Variants in TM9SF4 observed in about 807,000 individuals in gnomAD.
The protein encoded by TM9SF4 is dinucleotide oxidase disulfide thiol exchanger 3 superfamily member 4.
TM9SF4 carries 26 observed loss-of-function variants against 90.4 expected under a neutral mutation model. That is an observed-to-expected ratio of 0.29 (90% confidence interval 0.21 to 0.40). The LOEUF (loss-of-function observed/expected upper bound fraction) is 0.40. Ranked by LOEUF, TM9SF4 falls within the 10% of genes least tolerant of loss-of-function variation. The pLI, the probability that TM9SF4 is intolerant of heterozygous loss-of-function variation, is 1.00. For missense variants in TM9SF4, 549 were observed against 834.8 expected (o/e 0.66, Z 4.22); for synonymous variants, 293 against 315.4 (o/e 0.93, Z 0.75).
chr20:32,160,679 G>A (rs1255417367), intron 16 of TM9SF4, among the ~76,000 whole-genome samples: 5 of 152,128 alleles, frequency 3.3e-5, no homozygotes, highest in African/African-American at 4.8e-5. Flanking sequence ...AGCCAGGCAC[G>A]GTAGCTCACG....
At chr20:32,160,478 G>A (rs1438210724) in intron 16 of TM9SF4, among the ~76,000 whole-genome samples, 1 of 152,146 alleles carries the variant, frequency 6.6e-6, no homozygotes, top group Non-Finnish European at 1.5e-5. Flanking sequence ...GCCAGGGTTT[G>A]GGATGAACAG....
chr20:32,143,846 G>A (rs2046718404), intron 6 of TM9SF4, among the ~76,000 whole-genome samples: 1 of 152,092 alleles, frequency 6.6e-6, no homozygotes, highest in East Asian at 1.9e-4. Flanking sequence ...AGCTTCCCGA[G>A]CGCAGTTCTA....
At chr20:32,126,741 T>C (rs1266039298) in intron 1 of TM9SF4, among the ~76,000 whole-genome samples, 1 of 94,856 alleles carries the variant, frequency 1.1e-5, no homozygotes, top group Non-Finnish European at 1.9e-5. Flanking sequence ...TTTCTTTTTT[T>C]TTTTTTTTCC....
intron 3 of TM9SF4, among the ~76,000 whole-genome samples, chr20:32,138,072 C>T (rs893629870): frequency 6.6e-6 from 1 of 152,192 alleles, no homozygotes; most frequent in African/African-American, 2.4e-5. Flanking sequence ...TAGTCAGGGT[C>T]ACATGGCCAA....
intron 13 of TM9SF4, among the ~76,000 whole-genome samples, chr20:32,155,540 C>T (rs138277677): frequency 5.5e-4 from 84 of 152,362 alleles, no homozygotes; most frequent in Middle Eastern, 3.4e-3. Flanking sequence ...GCAAGCCTGT[C>T]CTCCTCAGTG....
chr20:32,147,246 G>A (rs2046776755), intron 9 of TM9SF4, among the ~76,000 whole-genome samples: 1 of 152,000 alleles, frequency 6.6e-6, no homozygotes. Flanking sequence ...CGAAAGTACT[G>A]GGATTACAGG....
intron 13 of TM9SF4, among the ~76,000 whole-genome samples, chr20:32,157,441 T>C (rs2046943810): frequency 6.6e-6 from 1 of 152,196 alleles, no homozygotes; most frequent in South Asian, 2.1e-4. Context: ...CTTTGTACAG[T>C]GTTGTTTTTT....
At position 32,109,746 on chromosome 20, in the gene TM9SF4, G is replaced by C; in HGVS notation, c.6G>C (p.Ala2=). M[A]TAMDWLPWSL... Reference sequence around the variant, plus strand: ...CGGCGACACGTGGATCCAAGATGGCGACGGCGATGGTGAGTGAAGGAGACT... The same window carrying C: ...CGGCGACACGTGGATCCAAGATGGCCACGGCGATGGTGAGTGAAGGAGACT... Residue 2 remains alanine (A), a synonymous_variant, in exon 1 of 18, where the codon GCG becomes GCC. Coordinates refer to ENST00000398022, the MANE Select transcript of TM9SF4 (RefSeq NM_014742.4). 6.4e-7 allele frequency: 1 copy of C among 1,551,676 alleles called. No individual in the cohort carries two copies. The highest frequency in any genetic ancestry group is 8.7e-7 in the Non-Finnish European group (1 of 1,146,996).
At chr20:32,146,397 G>A (rs966327670) in intron 8 of TM9SF4, among the ~76,000 whole-genome samples, 7 of 152,120 alleles carry the variant, frequency 4.6e-5, no homozygotes, top group Non-Finnish European at 7.4e-5. Context: ...CTTGAAGAAA[G>A]GCGTGCTGAT....
At position 32,167,154 on chromosome 20, in the gene TM9SF4, A is replaced by G. The variant is rs929962690; in HGVS notation, c.*1710A>G. 1 of 151,854 alleles carries G rather than the reference A, an allele frequency of 6.6e-6. No homozygotes were observed. The highest frequency in any genetic ancestry group is 2.4e-5 in the African/African-American group (1 of 41,300). The allele number at this position is 151,854 out of a possible 1,614,324, so 9.4% of individuals were successfully genotyped here. On this transcript the variant is annotated 3_prime_UTR_variant, in exon 18 of 18. Transcript: ENST00000398022. Reference sequence around the variant, plus strand: ...CTCATAAAGGGTTCAAAGATCATCAATTTTTCTGACTTTTTAAATCATTAT... The same window carrying G: ...CTCATAAAGGGTTCAAAGATCATCAGTTTTTCTGACTTTTTAAATCATTAT...
chr20:32,123,866 A>ATATATATATATATT lies in TM9SF4; in HGVS notation c.16-9146_16-9145insATATATATATATTT. ...CTCTCATATATATATATATATATAT[A>ATATATATATATATT]TTTTTTTTTTTAAAGAGATAGGGTC... is the stretch of plus-strand genomic sequence containing the variant. On this transcript the variant is annotated intron_variant, in intron 1 of 17. Transcript: ENST00000398022. Among the ~76,000 whole-genome samples, 456 of 93,902 alleles carry ATATATATATATATT rather than the reference A, an allele frequency of 4.9e-3. 10 individuals are homozygous for ATATATATATATATT. Among genetic ancestry groups the ATATATATATATATT allele is most frequent in the African/African-American group, 0.02 (438 of 21,926 alleles). 61.6% of individuals were successfully genotyped at this position (93,902 alleles called of 152,430 possible).
chr20:32,123,866 A>ATATATATATATATATATTTTTTTTTTTT, intron 1 of TM9SF4, among the ~76,000 whole-genome samples: 3 of 93,962 alleles, frequency 3.2e-5, no homozygotes, highest in African/African-American at 1.4e-4. Context: ...ATATATATAT[A>ATATATATATATATATATTTTTTTTTTTT]TTTTTTTTTT....
intron 1 of TM9SF4, among the ~76,000 whole-genome samples, chr20:32,113,702 A>G (rs958855432): frequency 6.6e-6 from 1 of 152,150 alleles, no homozygotes; most frequent in African/African-American, 2.4e-5. Flanking sequence ...CCTTTAAAGT[A>G]TATAATTTAG....
At chr20:32,136,755 T>C (rs1431698569) in intron 3 of TM9SF4, 2 of 440,846 alleles carry the variant, frequency 4.5e-6, no homozygotes, top group Admixed American at 2.6e-5. Context: ...TGTAGAGGTG[T>C]CTAGTCGTAC....
At position 32,131,783 on chromosome 20, in the gene TM9SF4, C is replaced by T. The variant is rs8122917; in HGVS notation, c.16-1230C>T. Reference sequence around the variant, plus strand: ...TCTAGTTCCTTGCAGGGGTGAAGCACTATTATTAAGGGAAAGAGATGCAAT... The same window carrying T: ...TCTAGTTCCTTGCAGGGGTGAAGCATTATTATTAAGGGAAAGAGATGCAAT... On this transcript the variant is annotated intron_variant, in intron 1 of 17. Transcript: ENST00000398022. 5.5e-3 allele frequency among the ~76,000 whole-genome samples: 830 copies of T among 152,188 alleles called. 3 individuals carry two copies. The highest frequency in any genetic ancestry group is 9.3e-3 in the Non-Finnish European group (631 of 68,004).
chr20:32,160,465 G>A (rs1360850519), intron 16 of TM9SF4, among the ~76,000 whole-genome samples: 2 of 152,212 alleles, frequency 1.3e-5, no homozygotes, highest in African/African-American at 4.8e-5. Flanking sequence ...CAGAGTGGGT[G>A]AAGCCAGGGT....
intron 1 of TM9SF4, among the ~76,000 whole-genome samples, chr20:32,120,393 G>A (rs1372704410): frequency 2.9e-5 from 3 of 102,532 alleles, no homozygotes; most frequent in South Asian, 2.8e-4. Flanking sequence ...ACTAAGTGGT[G>A]CGTTTTTTTT....
chr20:32,136,629 A>G (rs926268114), intron 3 of TM9SF4, among the ~76,000 whole-genome samples: 2 of 152,226 alleles, frequency 1.3e-5, no homozygotes, highest in Non-Finnish European at 2.9e-5. Flanking sequence ...TGAGCTCTGC[A>G]GGACTCATGT....
chr20:32,137,090 G>A (rs2046605478), intron 3 of TM9SF4: 4 of 453,966 alleles, frequency 8.8e-6, no homozygotes, highest in Admixed American at 2.4e-5. Context: ...CAACTGTGCC[G>A]AAGTCTTGCC....
Sources: gnomAD v4.1 joint callset for allele counts (sites outside exome capture counted in the v4.1 genomes callset) on GRCh38, gnomAD v4.1.1 for gene constraint, MANE v1.5 for transcripts, NCBI Gene and HGNC (gene_info 2026-07-23, HGNC 2026-07-21) for gene names.